The following PPP2R5A variants were observed in gnomAD, a reference collection of about 807,000 sequenced individuals.
PPP2R5A encodes the protein protein phosphatase 2 regulatory subunit B'alpha, also known as serine/threonine-protein phosphatase 2A 56 kDa regulatory subunit alpha isoform.
In PPP2R5A, 25 loss-of-function variants were observed where a neutral mutation model predicts 64.2. The observed-to-expected ratio is 0.39, with a 90% CI of 0.28 to 0.54. PPP2R5A has a LOEUF of 0.54. Among genes scored for constraint, PPP2R5A ranks in the 20% least tolerant of loss-of-function variants. PPP2R5A has a pLI of 0.67. For missense variants in PPP2R5A, 425 were observed against 576.3 expected (o/e 0.74, Z 2.69); for synonymous variants, 198 against 201.2 (o/e 0.98, Z 0.13).
chr1:212,315,581 C>T (rs904580030), intron 1 of PPP2R5A, among the ~76,000 whole-genome samples: 3 of 152,158 alleles, frequency 2.0e-5, no homozygotes, highest in Non-Finnish European at 4.4e-5. Context: ...TCGAAAAATT[C>T]TCACAAAGTT....
intron 1 of PPP2R5A, among the ~76,000 whole-genome samples, chr1:212,323,646 A>G (rs993976271): frequency 2.6e-5 from 4 of 152,212 alleles, no homozygotes; most frequent in African/African-American, 7.2e-5. Flanking sequence ...TGGGGGAGAA[A>G]AAACAAAAAC....
At chr1:212,354,217 C>T (rs989239270) in intron 8 of PPP2R5A, among the ~76,000 whole-genome samples, 4 of 151,982 alleles carry the variant, frequency 2.6e-5, no homozygotes, top group Admixed American at 6.6e-5. Context: ...TAACAGGCTA[C>T]ATATAAAATG....
chr1:212,302,599 A>G (rs1268442011), intron 1 of PPP2R5A, among the ~76,000 whole-genome samples: 3 of 152,258 alleles, frequency 2.0e-5, no homozygotes, highest in Non-Finnish European at 4.4e-5. Context: ...CTATTGAGAT[A>G]TAATTCATAC....
At chr1:212,356,225 T>C (rs1659975345) in intron 8 of PPP2R5A, among the ~76,000 whole-genome samples, 1 of 152,192 alleles carries the variant, frequency 6.6e-6, no homozygotes, top group African/African-American at 2.4e-5. Flanking sequence ...GGTTTCTCCC[T>C]AAAATAACCT....
chr1:212,313,854 C>T, intron 1 of PPP2R5A: 1 of 152,056 alleles, frequency 6.6e-6, no homozygotes, highest in East Asian at 1.9e-4. Context: ...TAAAAATCAT[C>T]TTGGCTATTC....
chr1:212,356,748 T>A (rs1040896714), intron 9 of PPP2R5A, 72 bp downstream of exon 9: 98 of 1,510,572 alleles, frequency 6.5e-5, no homozygotes, highest in Non-Finnish European at 8.2e-5. Context: ...ACCATGCTTC[T>A]TTGGGCTGGC....
chr1:212,331,335 A>AT (rs60762237), intron 2 of PPP2R5A: 31,031 of 132,434 alleles, frequency 0.23, 3,742 homozygotes, highest in East Asian at 0.36. Flanking sequence ...TAATTTTTTC[A>AT]TTTTTTTTTT....
chr1:212,357,359 C>T (rs1659996419), intron 11 of PPP2R5A, 75 bp downstream of exon 11: 4 of 1,308,836 alleles, frequency 3.1e-6, no homozygotes, highest in Non-Finnish European at 4.1e-6. Flanking sequence ...TTTCCTAACT[C>T]ATACTTGAAA....
intron 4 of PPP2R5A, among the ~76,000 whole-genome samples, chr1:212,345,314 A>G (rs1316988483): frequency 1.3e-5 from 2 of 152,160 alleles, no homozygotes; most frequent in Non-Finnish European, 2.9e-5. Context: ...TCTTGAATTT[A>G]TTGTAAATTC....
intron 1 of PPP2R5A, among the ~76,000 whole-genome samples, chr1:212,298,871 G>T (rs1276236722): frequency 2.4e-5 from 1 of 40,958 alleles, no homozygotes; most frequent in Non-Finnish European, 4.5e-5. Context: ...GGCTGGCCAG[G>T]CGGGGGGCTG....
intron 1 of PPP2R5A, among the ~76,000 whole-genome samples, chr1:212,287,994 A>G (rs1390798005): frequency 1.3e-5 from 2 of 152,156 alleles, no homozygotes; most frequent in Non-Finnish European, 2.9e-5. Context: ...AAGCCAGGAG[A>G]TGCAGCTTTG....
chr1:212,291,062 C>T (rs918704505), intron 1 of PPP2R5A, among the ~76,000 whole-genome samples: 1 of 151,918 alleles, frequency 6.6e-6, no homozygotes, highest in African/African-American at 2.4e-5. Flanking sequence ...ATGTGTTTAG[C>T]ACTGTGGTTC....
At chr1:212,319,531 A>G (rs558358720) in intron 1 of PPP2R5A, 1 of 152,276 alleles carries the variant, frequency 6.6e-6, no homozygotes, top group Admixed American at 6.5e-5. Flanking sequence ...TAAAACGGAG[A>G]AGCTGAAGAA....
Position 212,286,338 on chromosome 1 carries a change from A to C in PPP2R5A, c.181+47A>C, listed in dbSNP as rs1487323534. 8 of 1,411,686 alleles carry C rather than the reference A, an allele frequency of 5.7e-6. No individual in the cohort carries two copies. In the East Asian group the frequency reaches 2.4e-4, roughly 42 times the overall value. 87.4% of individuals were successfully genotyped at this position (1,411,686 alleles called of 1,614,324 possible). A position where few individuals can be genotyped will look rare whatever the true frequency, so the allele number is the denominator to read the frequency against. On this transcript the variant is annotated intron_variant, in intron 1 of 12. Coordinates refer to ENST00000261461, the MANE Select transcript of PPP2R5A (RefSeq NM_006243.4). ...CCAGCAGCGAGCGCAGGGGCTGGCA[A>C]CGCTTGCCTCTGCGCCAGCAGAGCC...
intron 1 of PPP2R5A, among the ~76,000 whole-genome samples, chr1:212,296,272 A>C (rs959474864): frequency 6.6e-6 from 1 of 152,002 alleles, no homozygotes; most frequent in East Asian, 1.9e-4. Flanking sequence ...GTATTTTGGA[A>C]ATTTTAAATT....
intron 6 of PPP2R5A, 136 bp downstream of exon 6, chr1:212,347,542 CTT>C (rs11290098): frequency 0.014 from 6,557 of 465,516 alleles, no homozygotes; most frequent in Middle Eastern, 0.019. Flanking sequence ...CAACTGAAGT[CTT>C]TTTTTTTTTT....
At chr1:212,322,023 C>CA (rs1659306807) in intron 1 of PPP2R5A, among the ~76,000 whole-genome samples, 3 of 151,684 alleles carry the variant, frequency 2.0e-5, no homozygotes, top group African/African-American at 7.3e-5. Flanking sequence ...CCGTCTCCAC[C>CA]AAAAAAATAC....
intron 1 of PPP2R5A, among the ~76,000 whole-genome samples, chr1:212,295,521 T>TG (rs1658677482): frequency 6.6e-6 from 1 of 152,038 alleles, no homozygotes; most frequent in Admixed American, 6.6e-5. Context: ...TTTGGAGCAA[T>TG]GGAAGTAGAA....
At chr1:212,347,827 T>G (rs988945947) in intron 6 of PPP2R5A, among the ~76,000 whole-genome samples, 1 of 152,196 alleles carries the variant, frequency 6.6e-6, no homozygotes, top group Non-Finnish European at 1.5e-5. Flanking sequence ...ATTACAGGCG[T>G]GAGCCACCAT....
Sources: allele counts gnomAD v4.1 joint callset (sites outside exome capture counted in the v4.1 genomes callset), GRCh38; gene constraint gnomAD v4.1.1; transcripts MANE v1.5; gene names NCBI Gene and HGNC (gene_info 2026-07-23, HGNC 2026-07-21).